Variants in CUL2 observed in about 807,000 individuals in gnomAD.
CUL2 encodes cullin-2.
In CUL2, 22 loss-of-function variants were observed where a neutral mutation model predicts 110.2. The observed-to-expected ratio is 0.20, with a 90% CI of 0.14 to 0.28. The LOEUF (loss-of-function observed/expected upper bound fraction) is 0.28. Ranked by LOEUF, CUL2 falls within the 10% of genes least tolerant of loss-of-function variation. CUL2 has a pLI of 1.00. For missense variants in CUL2, 631 were observed against 905.5 expected, an observed-to-expected ratio of 0.70 and a Z score of 3.89; for synonymous variants, 279 against 293.2, an observed-to-expected ratio of 0.95 and a Z score of 0.49.
At chr10:35,010,699 GCT>G (rs1453963724) in intron 20 of CUL2, among the ~76,000 whole-genome samples, 1 of 152,166 alleles carries the variant, frequency 6.6e-6, no homozygotes, top group Non-Finnish European at 1.5e-5. Flanking sequence ...TCAACTCTCA[GCT>G]CTTAGTTCAA....
At chr10:35,126,441 C>G (rs1219253787) in intron 1 of CUL2, 1 of 152,624 alleles carries the variant, frequency 6.6e-6, no homozygotes, top group East Asian at 1.9e-4. Flanking sequence ...AAGAAGCACG[C>G]CTGCAGTCCC....
chr10:35,070,299 C>G (rs2086645497), intron 2 of CUL2, among the ~76,000 whole-genome samples: 1 of 152,228 alleles, frequency 6.6e-6, no homozygotes, highest in Non-Finnish European at 1.5e-5. Flanking sequence ...TTACTGCCTA[C>G]TGCAGTTGTA....
chr10:35,103,163 G>T (rs1169073561), intron 1 of CUL2, among the ~76,000 whole-genome samples: 1 of 151,832 alleles, frequency 6.6e-6, no homozygotes, highest in Non-Finnish European at 1.5e-5. Context: ...TTGTTTTTGA[G>T]ACAGAGTCTT....
At chr10:35,028,102 A>C in intron 16 of CUL2, among the ~76,000 whole-genome samples, 1 of 152,188 alleles carries the variant, frequency 6.6e-6, no homozygotes, top group East Asian at 1.9e-4. Context: ...GCACTTTGGG[A>C]TGTATCCTTT....
At chr10:35,045,402 T>TAGAGC (rs142073543) in intron 6 of CUL2, among the ~76,000 whole-genome samples, 22,833 of 151,578 alleles carry the variant, frequency 0.15, 1,918 homozygotes, top group East Asian at 0.24. Flanking sequence ...GCCTGGGCAA[T>TAGAGC]AGAGCGAGAC....
chr10:35,117,426 C>G (rs2087622226), intron 1 of CUL2, among the ~76,000 whole-genome samples: 1 of 152,022 alleles, frequency 6.6e-6, no homozygotes, highest in Non-Finnish European at 1.5e-5. Context: ...GACAAGGTCT[C>G]ACTATGTTTC....
chr10:35,083,511 T>A (rs2086990081), intron 1 of CUL2, among the ~76,000 whole-genome samples: 1 of 152,158 alleles, frequency 6.6e-6, no homozygotes, highest in Admixed American at 6.5e-5. Context: ...CCAGAGCTCC[T>A]CCTTGGAAAA....
intron 9 of CUL2, among the ~76,000 whole-genome samples, chr10:35,037,268 T>C (rs888416160): frequency 1.3e-5 from 2 of 152,218 alleles, no homozygotes; most frequent in Non-Finnish European, 2.9e-5. Flanking sequence ...GAGCAATGCG[T>C]GTTGAAAAGA....
At chr10:35,074,114 A>G in intron 1 of CUL2, 1 of 1,310,864 alleles carries the variant, frequency 7.6e-7, no homozygotes, top group South Asian at 1.3e-5. Flanking sequence ...CTGAGGATAC[A>G]GTGGACAAAA....
intron 17 of CUL2, among the ~76,000 whole-genome samples, chr10:35,017,245 C>G (rs2085059774): frequency 6.6e-6 from 1 of 152,096 alleles, no homozygotes; most frequent in African/African-American, 2.4e-5. Flanking sequence ...CAGTAACTTC[C>G]TAGAGGCAAA....
At chr10:35,013,293 C>T (rs1253778657) in intron 19 of CUL2, among the ~76,000 whole-genome samples, 4 of 146,134 alleles carry the variant, frequency 2.7e-5, no homozygotes, top group African/African-American at 5.1e-5. Flanking sequence ...TGCAGTGAGC[C>T]GAGATCACAC....
intron 3 of CUL2, 135 bp downstream of exon 3, chr10:35,062,825 A>G: frequency 1.7e-6 from 1 of 600,000 alleles, no homozygotes; most frequent in Non-Finnish European, 2.9e-6. Context: ...CAACAGAGCA[A>G]GACCCTGTAT....
chr10:35,050,335 A>G (rs142308365), intron 5 of CUL2, among the ~76,000 whole-genome samples: 2 of 152,102 alleles, frequency 1.3e-5, no homozygotes, highest in African/African-American at 4.8e-5. Context: ...AAAAAAAAAA[A>G]AAACTTAATT....
At chr10:35,065,310 G>C (rs184421347) in intron 2 of CUL2, among the ~76,000 whole-genome samples, 2 of 152,276 alleles carry the variant, frequency 1.3e-5, no homozygotes, top group African/African-American at 4.8e-5. Context: ...GGAAGCCAAG[G>C]CGGGCAGATC....
At chr10:35,067,243 G>A (rs1019739411) in intron 2 of CUL2, among the ~76,000 whole-genome samples, 1 of 152,002 alleles carries the variant, frequency 6.6e-6, no homozygotes, top group African/African-American at 2.4e-5. Flanking sequence ...TTGAGGGAAG[G>A]CAATATTAAG....
chr10:35,026,961 T>A (rs899355952), intron 16 of CUL2, among the ~76,000 whole-genome samples: 3 of 151,916 alleles, frequency 2.0e-5, no homozygotes, highest in Admixed American at 1.3e-4. Flanking sequence ...ATTAGGTATA[T>A]CTCCTAATGC....
intron 5 of CUL2, among the ~76,000 whole-genome samples, chr10:35,053,928 C>T (rs1201783720): frequency 6.6e-6 from 1 of 152,176 alleles, no homozygotes; most frequent in Admixed American, 6.5e-5. Flanking sequence ...AATAAACAAG[C>T]TTGTACAATA....
chr10:35,036,652 T>G (rs1416286887), intron 9 of CUL2, among the ~76,000 whole-genome samples: 5 of 152,200 alleles, frequency 3.3e-5, no homozygotes, highest in Non-Finnish European at 7.3e-5. Context: ...CAGTGCCTGT[T>G]TTTTGAGCAT....
intron 1 of CUL2, among the ~76,000 whole-genome samples, chr10:35,080,006 G>A (rs1028401020): frequency 6.6e-6 from 1 of 152,196 alleles, no homozygotes; most frequent in African/African-American, 2.4e-5. Flanking sequence ...TCACACTACT[G>A]AGGACAGTAC....
Sources: gnomAD v4.1 joint callset for allele counts (sites outside exome capture counted in the v4.1 genomes callset) on GRCh38, gnomAD v4.1.1 for gene constraint, MANE v1.5 for transcripts, NCBI Gene and HGNC (gene_info 2026-07-23, HGNC 2026-07-21) for gene names.